The following CHP1 variants were observed in gnomAD, a reference collection of about 807,000 sequenced individuals.
The protein encoded by CHP1 is calcineurin B homologous protein 1.
Under a neutral mutation model 27.4 loss-of-function variants are expected in CHP1, and 11 were observed. The ratio of observed to expected loss-of-function variants is 0.40; its 90% CI spans 0.25 to 0.67. The LOEUF is 0.67. Among genes scored for constraint, CHP1 ranks in the 30% least tolerant of loss-of-function variants. The pLI is 0.38. For synonymous variants in CHP1, 89 were observed against 87.4 expected (o/e 1.02, Z -0.10); for missense variants, 169 against 251.3 (o/e 0.67, Z 2.22).
At chr15:41,269,060 A>C (rs2140940708) in intron 4 of CHP1, among the ~76,000 whole-genome samples, 1 of 152,236 alleles carries the variant, frequency 6.6e-6, no homozygotes, top group Admixed American at 6.5e-5. Flanking sequence ...ATTTTTAAAA[A>C]TTAGCCAGGT....
At chr15:41,274,420 A>G (rs2047508456) in intron 5 of CHP1, among the ~76,000 whole-genome samples, 1 of 152,012 alleles carries the variant, frequency 6.6e-6, no homozygotes, top group East Asian at 1.9e-4. Flanking sequence ...ATCGGATGAG[A>G]TAACCTTTTT....
intron 2 of CHP1, among the ~76,000 whole-genome samples, chr15:41,252,379 G>C (rs1249475002): frequency 6.6e-6 from 1 of 151,072 alleles, no homozygotes. Context: ...ATCTTGGCCA[G>C]GCTCGTGTCT....
chr15:41,232,517 A>ATT (rs112881067), intron 1 of CHP1, among the ~76,000 whole-genome samples: 6 of 147,966 alleles, frequency 4.1e-5, no homozygotes, highest in African/African-American at 7.4e-5. Flanking sequence ...TGCAGAACTG[A>ATT]TTTTTTTTTT....
rs1303792279 is a variant in CHP1 at position 41,280,480 on chromosome 15, G to A, written c.*1091G>A. On this transcript the variant is annotated 3_prime_UTR_variant, in exon 7 of 7. Coordinates refer to ENST00000334660, the MANE Select transcript of CHP1 (RefSeq NM_007236.5). ...TTCCAAGTAGAAATATTAGTGTTAC[G>A]GAAGTGCCTAATATCCCAGTCCAAA... The A allele has an allele frequency of 1.3e-5, 2 of 151,474 alleles. No homozygotes were observed. The highest frequency in any genetic ancestry group is 6.7e-5 in the Admixed American group (1 of 14,998). 9.4% of individuals were successfully genotyped at this position (151,474 alleles called of 1,614,324 possible).
At chr15:41,266,865 T>C (rs2047463855) in intron 4 of CHP1, among the ~76,000 whole-genome samples, 1 of 152,022 alleles carries the variant, frequency 6.6e-6, no homozygotes, top group Non-Finnish European at 1.5e-5. Flanking sequence ...CCTGGCATGG[T>C]GGTGGATACC....
rs2047528950 is a variant in CHP1, at chr15:41,278,220, C to G, written c.412-547C>G. 3.3e-5 allele frequency among the ~76,000 whole-genome samples: 5 copies of G among 150,966 alleles called. No individual in the cohort carries two copies. The South Asian group carries it at 1.0e-3, about 32-fold the overall frequency. On this transcript the variant is annotated intron_variant, in intron 5 of 6. Coordinates refer to ENST00000334660, the MANE Select transcript of CHP1 (RefSeq NM_007236.5). Reference sequence around the variant, plus strand: ...CGGTGGCAGGCGCCTGTAATCCTAGCTACGCAGGAGGCTGAGGCAGGAGAA... The same window carrying G: ...CGGTGGCAGGCGCCTGTAATCCTAGGTACGCAGGAGGCTGAGGCAGGAGAA...
At position 41,276,280 on chromosome 15, in the gene CHP1, G is replaced by A. The variant is rs1459973833; in HGVS notation, c.412-2487G>A. Among the ~76,000 whole-genome samples, 3 of 151,786 alleles carry A rather than the reference G, an allele frequency of 2.0e-5. No individual in the cohort carries two copies. The East Asian group carries it at 5.8e-4, about 29-fold the overall frequency. ...GAATCTATTTCATGAGATTGTAGAA[G>A]GGAGTAAAGGAGTGGAGGAAAGGAA... On this transcript the variant is annotated intron_variant, in intron 5 of 6. Transcript: ENST00000334660.
At chr15:41,249,702 G>C (rs2047355353) in intron 2 of CHP1, among the ~76,000 whole-genome samples, 1 of 151,760 alleles carries the variant, frequency 6.6e-6, no homozygotes, top group Non-Finnish European at 1.5e-5. Flanking sequence ...TTGATCTCCT[G>C]ACCTTGTGAT....
At position 41,278,764 on chromosome 15, in the gene CHP1, C is replaced by T. The variant is rs755340656; in HGVS notation, c.412-3C>T. 1.2e-6 allele frequency: 2 copies of T among 1,614,056 alleles called. No individual in the cohort carries two copies. Among genetic ancestry groups the T allele is most frequent in the Non-Finnish European group, 1.7e-6 (2 of 1,179,976 alleles). On this transcript the variant is annotated splice_region_variant and splice_polypyrimidine_tract_variant and intron_variant, in intron 5 of 6. Coordinates refer to ENST00000334660, the MANE Select transcript of CHP1 (RefSeq NM_007236.5). The stretch of plus-strand genomic sequence containing the variant: ...TTGTAATTCCTGGCTCTTGGTCTTC[C>T]AGGTGCTACGCATGATGGTCGGAGT...
intron 2 of CHP1, among the ~76,000 whole-genome samples, chr15:41,244,207 A>AC (rs5812188): frequency 0.034 from 5,224 of 151,698 alleles, 291 homozygotes; most frequent in African/African-American, 0.11. Context: ...AAAAAAAAAA[A>AC]AAAAAACAGC....
At chr15:41,245,223 G>A (rs2140926266) in intron 2 of CHP1, among the ~76,000 whole-genome samples, 1 of 152,284 alleles carries the variant, frequency 6.6e-6, no homozygotes, top group Middle Eastern at 3.4e-3. Flanking sequence ...CACTTTGGGA[G>A]GCCAAGGCGG....
At chr15:41,275,979 G>A (rs959443074) in intron 5 of CHP1, among the ~76,000 whole-genome samples, 6 of 152,110 alleles carry the variant, frequency 3.9e-5, no homozygotes, top group African/African-American at 9.7e-5. Flanking sequence ...AGTGGCTCAC[G>A]CCTGTAATCC....
At chr15:41,243,839 C>A in intron 2 of CHP1, 100 bp downstream of exon 2, 3 of 922,200 alleles carry the variant, frequency 3.3e-6, no homozygotes, top group Non-Finnish European at 5.1e-6. Context: ...GATAGACATC[C>A]AGCATGCAGA....
At chr15:41,253,531 T>G (rs1386747030) in intron 2 of CHP1, among the ~76,000 whole-genome samples, 6 of 151,750 alleles carry the variant, frequency 4.0e-5, no homozygotes. Context: ...CTTGGCTCAC[T>G]GCAACCTCCA....
At chr15:41,278,975 G>A (rs2047532893) in intron 6 of CHP1, 86 bp downstream of exon 6, 1 of 1,527,028 alleles carries the variant, frequency 6.5e-7, no homozygotes, top group Admixed American at 1.8e-5. Flanking sequence ...CACTTTAGGA[G>A]GCCAAGGTGG....
At chr15:41,278,340 A>AG (rs1567013382) in intron 5 of CHP1, among the ~76,000 whole-genome samples, 1 of 151,874 alleles carries the variant, frequency 6.6e-6, no homozygotes, top group African/African-American at 2.4e-5. Context: ...CTCAAAAAAA[A>AG]AAAAAAAAAA....
chr15:41,281,756 A>G lies in CHP1; in HGVS notation c.*2367A>G, dbSNP rs904031080. 6.6e-6 allele frequency: 1 copy of G among 152,632 alleles called. No homozygotes were observed. Among genetic ancestry groups the G allele is most frequent in the Non-Finnish European group, 1.5e-5 (1 of 68,032 alleles). The allele number at this position is 152,632 out of a possible 1,614,324, so 9.5% of individuals were successfully genotyped here. ...ACTTTAGAGGCTTCTTGATTGGCAT[A>G]AAGTTCCTAAGGTTATAGATTTTCC... On this transcript the variant is annotated 3_prime_UTR_variant, in exon 7 of 7. Transcript: ENST00000334660.
Position 41,247,954 on chromosome 15 carries a change from G to A in CHP1, c.140+4215G>A, listed in dbSNP as rs368283215. Among the ~76,000 whole-genome samples the A allele has an allele frequency of 6.6e-5, 10 of 151,758 alleles. No individual in the cohort carries two copies. The East Asian group carries it at 7.7e-4, about 12-fold the overall frequency. On this transcript the variant is annotated intron_variant, in intron 2 of 6. Transcript: ENST00000334660. ...ACCATACTCCAGCCTGGGCGACAGA[G>A]CAAGACTCCGTCTCAAATAAAAAAA...
chr15:41,276,125 C>G (rs907858810), intron 5 of CHP1, among the ~76,000 whole-genome samples: 3 of 151,716 alleles, frequency 2.0e-5, no homozygotes, highest in Non-Finnish European at 4.4e-5. Flanking sequence ...CCTGTAATCC[C>G]AGCTACTCGA....
Sources: gnomAD v4.1 joint callset for allele counts (sites outside exome capture counted in the v4.1 genomes callset) on GRCh38, gnomAD v4.1.1 for gene constraint, MANE v1.5 for transcripts, NCBI Gene and HGNC (gene_info 2026-07-23, HGNC 2026-07-21) for gene names.